Variants in PIK3R5 observed in about 807,000 individuals in gnomAD.
PIK3R5 encodes the protein phosphoinositide-3-kinase regulatory subunit 5.
In PIK3R5, 32 loss-of-function variants were observed where a neutral mutation model predicts 94.9. That is an observed-to-expected ratio of 0.34 (90% CI 0.25 to 0.45). PIK3R5 has a LOEUF of 0.45. Ranked by LOEUF, PIK3R5 falls within the 20% of genes least tolerant of loss-of-function variation. The probability of loss-of-function intolerance (pLI) is 1.00; values close to 1 mark genes in which losing one functional copy is unlikely to be tolerated. For missense variants in PIK3R5, 853 were observed against 1,144.6 expected, an observed-to-expected ratio of 0.75 and a Z score of 3.68; for synonymous variants, 443 against 479.4, an observed-to-expected ratio of 0.92 and a Z score of 0.99.
rs2089985260 is a variant in PIK3R5, at chr17:8,890,047, G to C, written c.737C>G (p.Ala246Gly). The change falls in exon 8 of 19, where the codon GCT becomes GGT. Residue 246 changes from alanine to glycine, a missense_variant. Ala to Gly is a moderately conservative substitution (Grantham distance 60). This residue lies in a region of PIK3R5 where 161 missense variants were observed against 249.5 expected (regional missense o/e 0.65). Transcript: ENST00000447110. This position sits in a 1 kb window ranked among gnomAD's most constrained non-coding sequence, Gnocchi z 6.1. ...CCTGAGCCACCGCCGGGCCTCTGCA[G>C]CATCCCCGATGCCAGATGCCAGCTC... Reference protein sequence around the residue: ...AQELASGIGDAAEARRWLRTK... With the variant: ...AQELASGIGDGAEARRWLRTK... The C allele has an allele frequency of 6.2e-7, 1 of 1,613,906 alleles. No homozygotes were observed. Among genetic ancestry groups the C allele is most frequent in the African/African-American group, 1.3e-5 (1 of 74,886 alleles).
chr17:8,929,539 T>C (rs765928373), intron 1 of PIK3R5, among the ~76,000 whole-genome samples: 3 of 152,042 alleles, frequency 2.0e-5, no homozygotes, highest in Non-Finnish European at 4.4e-5. Context: ...CAAAAAGATA[T>C]GTGAAGCAAA....
At chr17:8,921,348 TAGTTTCAGGAC>T (rs1410267372) in intron 1 of PIK3R5, among the ~76,000 whole-genome samples, 1 of 152,188 alleles carries the variant, frequency 6.6e-6, no homozygotes, top group Non-Finnish European at 1.5e-5. Flanking sequence ...GTATTTCGAG[TAGTTTCAGGAC>T]AGATATGTGG....
At chr17:8,962,591 C>A (rs1191141814) in intron 1 of PIK3R5, among the ~76,000 whole-genome samples, 1 of 152,174 alleles carries the variant, frequency 6.6e-6, no homozygotes, top group Admixed American at 6.5e-5. Flanking sequence ...AAAAAGTGCA[C>A]TGTATTTAAT....
At chr17:8,926,362 G>C (rs888312615) in intron 1 of PIK3R5, among the ~76,000 whole-genome samples, 3 of 152,112 alleles carry the variant, frequency 2.0e-5, no homozygotes, top group African/African-American at 7.2e-5. Flanking sequence ...GAACCCTAAG[G>C]TTCTTCCAGT....
At position 8,884,589 on chromosome 17, in the gene PIK3R5, C is replaced by T; in HGVS notation, c.2205+118G>A. 1.3e-6 allele frequency: 1 copy of T among 754,420 alleles called. No individual in the cohort carries two copies. The highest frequency in any genetic ancestry group is 2.3e-6 in the Non-Finnish European group (1 of 437,702). 46.7% of individuals were successfully genotyped at this position (754,420 alleles called of 1,614,324 possible). On this transcript the variant is annotated intron_variant, in intron 15 of 18. Coordinates refer to ENST00000447110, the MANE Select transcript of PIK3R5 (RefSeq NM_001142633.3). This position sits in a 1 kb window ranked among gnomAD's most constrained non-coding sequence, Gnocchi z 5.8. Reference sequence around the variant, plus strand: ...AGCATCCAGGGGAGCCTGCTGCAGCCTTCCAGCGTAAAGACTGGGGCCCAG... The same window carrying T: ...AGCATCCAGGGGAGCCTGCTGCAGCTTTCCAGCGTAAAGACTGGGGCCCAG...
intron 1 of PIK3R5, among the ~76,000 whole-genome samples, chr17:8,953,000 A>G (rs1249686746): frequency 6.6e-6 from 1 of 152,220 alleles, no homozygotes; most frequent in Non-Finnish European, 1.5e-5. Context: ...CCATGGTCCA[A>G]GAAGGAGCAT....
rs2090519133 is a variant in PIK3R5, at chr17:8,911,321, G to A, written c.103+71C>T. ...TAGAATTTGCCAGTTTCCATGCCTG[G>A]TCCAGTGCCCACCGTGGCCCCTGAG... is the stretch of plus-strand genomic sequence containing the variant. On this transcript the variant is annotated intron_variant, in intron 2 of 18. Transcript: ENST00000447110. This position sits in a 1 kb window ranked among gnomAD's most constrained non-coding sequence, Gnocchi z 5.3. 5.8e-6 allele frequency: 7 copies of A among 1,202,302 alleles called. No homozygotes were observed. Among genetic ancestry groups the A allele is most frequent in the South Asian group, 3.7e-5 (3 of 81,520 alleles). 74.5% of individuals were successfully genotyped at this position (1,202,302 alleles called of 1,614,324 possible).
chr17:8,892,159 A>G lies in PIK3R5; in HGVS notation c.483-1247T>C, dbSNP rs1407024101. On this transcript the variant is annotated intron_variant, in intron 6 of 18. Transcript: ENST00000447110. The surrounding 1 kb of genome is among the most constrained non-coding windows in gnomAD (Gnocchi z 4.3). ...TTTAAACCCAGTGCAAAGGAGCACC[A>G]CGCAGGGCAGCATTCCCTCCACACT... Among the ~76,000 whole-genome samples, 1 of 152,122 alleles carries G rather than the reference A, an allele frequency of 6.6e-6. No homozygotes were observed. The highest frequency in any genetic ancestry group is 2.4e-5 in the African/African-American group (1 of 41,426).
intron 3 of PIK3R5, among the ~76,000 whole-genome samples, 168 bp from the exon 4 acceptor site, chr17:8,905,905 A>T (rs773892731): frequency 4.6e-5 from 7 of 151,080 alleles, no homozygotes; most frequent in Non-Finnish European, 7.4e-5. Context: ...AAACGAAAAC[A>T]CTTACAATTT....
intron 14 of PIK3R5, among the ~76,000 whole-genome samples, chr17:8,885,494 AG>A (rs1159446121): frequency 1.9e-5 from 1 of 53,470 alleles, no homozygotes; most frequent in Non-Finnish European, 3.5e-5. Flanking sequence ...CCGCCTCCCC[AG>A]GGCCCCGCCT....
Position 8,893,561 on chromosome 17 carries a change from T to C in PIK3R5, c.482+25A>G. 6.2e-7 allele frequency: 1 copy of C among 1,601,954 alleles called. No individual in the cohort carries two copies. Among genetic ancestry groups the C allele is most frequent in the Non-Finnish European group, 8.6e-7 (1 of 1,169,208 alleles). ...GGGTCCCAAACTCCCTCCCCACTGT[T>C]TCTCCGTCCCCCAAGAGCACTCACA... On this transcript the variant is annotated intron_variant, in intron 6 of 18. Transcript: ENST00000447110. This position sits in a 1 kb window ranked among gnomAD's most constrained non-coding sequence, Gnocchi z 5.1.
chr17:8,928,334 G>C (rs2090927661), intron 1 of PIK3R5, among the ~76,000 whole-genome samples: 1 of 152,120 alleles, frequency 6.6e-6, no homozygotes, highest in South Asian at 2.1e-4. Context: ...GGCTGAAAAA[G>C]TACTTGAATA....
At chr17:8,962,137 T>A (rs1410776308) in intron 1 of PIK3R5, among the ~76,000 whole-genome samples, 2 of 152,162 alleles carry the variant, frequency 1.3e-5, no homozygotes, top group African/African-American at 4.8e-5. Context: ...ACCACCTAAA[T>A]GTGTGGCCTT....
At position 8,945,723 on chromosome 17, in the gene PIK3R5, T is replaced by C. The variant is rs2151464144; in HGVS notation, c.-14+19873A>G. Reference sequence around the variant, plus strand: ...CTCCTTTACATTACAGCCTTGCCACTTCTCCATCAAGAGGTGGAATCTATT... The same window carrying C: ...CTCCTTTACATTACAGCCTTGCCACCTCTCCATCAAGAGGTGGAATCTATT... On this transcript the variant is annotated intron_variant, in intron 1 of 18. Coordinates refer to ENST00000447110, the MANE Select transcript of PIK3R5 (RefSeq NM_001142633.3). This position sits in a 1 kb window ranked among gnomAD's most constrained non-coding sequence, Gnocchi z 4.0. Among the ~76,000 whole-genome samples, 1 of 152,364 alleles carries C rather than the reference T, an allele frequency of 6.6e-6. No homozygotes were observed. The highest frequency in any genetic ancestry group is 6.5e-5 in the Admixed American group (1 of 15,308).
At chr17:8,950,139 C>T (rs1403765077) in intron 1 of PIK3R5, among the ~76,000 whole-genome samples, 1 of 152,166 alleles carries the variant, frequency 6.6e-6, no homozygotes, top group Middle Eastern at 3.2e-3. Context: ...TATATAGTTT[C>T]ATGATGATGT....
At position 8,879,980 on chromosome 17, in the gene PIK3R5, G is replaced by C. The variant is rs1465509590; in HGVS notation, c.*659C>G. 6.6e-6 allele frequency: 1 copy of C among 152,192 alleles called. No homozygotes were observed. Among genetic ancestry groups the C allele is most frequent in the Non-Finnish European group, 1.5e-5 (1 of 68,038 alleles). The allele number at this position is 152,192 out of a possible 1,614,324, so 9.4% of individuals were successfully genotyped here. On this transcript the variant is annotated 3_prime_UTR_variant, in exon 19 of 19. Coordinates refer to ENST00000447110, the MANE Select transcript of PIK3R5 (RefSeq NM_001142633.3). This position sits in a 1 kb window ranked among gnomAD's most constrained non-coding sequence, Gnocchi z 4.4. The stretch of plus-strand genomic sequence containing the variant: ...CTTCTAAGAATCTCAGATTCCAAAA[G>C]GAGATCAAGAGAGAATCTGTGCCGG...
chr17:8,958,491 C>A (rs1222170314), intron 1 of PIK3R5, among the ~76,000 whole-genome samples: 1 of 152,108 alleles, frequency 6.6e-6, no homozygotes, highest in African/African-American at 2.4e-5. Context: ...AAGTATTGGA[C>A]AAATGTAACA....
intron 3 of PIK3R5, among the ~76,000 whole-genome samples, chr17:8,907,483 T>C (rs2090421137): frequency 6.6e-6 from 1 of 152,176 alleles, no homozygotes; most frequent in African/African-American, 2.4e-5. Flanking sequence ...GATCAAAGAT[T>C]ATCAACATGT....
In PIK3R5 at chr17:8,884,927, C is replaced by T. The variant is rs1278195289; in HGVS notation, c.2129-144G>A. On this transcript the variant is annotated intron_variant, in intron 14 of 18. Coordinates refer to ENST00000447110, the MANE Select transcript of PIK3R5 (RefSeq NM_001142633.3). This position sits in a 1 kb window ranked among gnomAD's most constrained non-coding sequence, Gnocchi z 5.8. ...CCTAGGGATCTGTCTCACCAAGGCC[C>T]TGCCTCTCTCTCTGGCTCCACGTTC... 9.0e-6 allele frequency: 6 copies of T among 663,466 alleles called. No individual in the cohort carries two copies. The Admixed American group carries it at 1.4e-4, about 15-fold the overall frequency. The allele number at this position is 663,466 out of a possible 1,614,324, so 41.1% of individuals were successfully genotyped here. A position where few individuals can be genotyped will look rare whatever the true frequency, so the allele number is the denominator to read the frequency against.
Sources: allele counts gnomAD v4.1 joint callset (sites outside exome capture counted in the v4.1 genomes callset), GRCh38; gene constraint gnomAD v4.1.1; regional missense constraint gnomAD v4.1.1; non-coding constraint Gnocchi (gnomAD v3.1); transcripts MANE v1.5; gene names NCBI Gene and HGNC (gene_info 2026-07-23, HGNC 2026-07-21).